COL24A1: variants seen among roughly 807,000 people sequenced by gnomAD.
COL24A1 encodes collagen alpha-1(XXIV) chain.
Under a neutral mutation model 253.9 loss-of-function variants are expected in COL24A1, and 224 were observed. The ratio of observed to expected loss-of-function variants is 0.88; its 90% CI spans 0.79 to 0.99. COL24A1 has a LOEUF of 0.99. Among genes scored for constraint, COL24A1 ranks in the 50% least tolerant of loss-of-function variants. The pLI is 0.00. For missense variants in COL24A1, 2,131 were observed against 2,068.5 expected (o/e 1.03, Z -0.59); for synonymous variants, 685 against 673.7 (o/e 1.02, Z -0.26).
chr1:86,144,007 T>C (rs1344299412), intron 2 of COL24A1, among the ~76,000 whole-genome samples: 1 of 152,176 alleles, frequency 6.6e-6, no homozygotes, highest in Non-Finnish European at 1.5e-5. Flanking sequence ...GCCAATTTAA[T>C]CAGAAAATTT....
chr1:85,828,545 TG>T (rs1674713785), intron 43 of COL24A1, among the ~76,000 whole-genome samples: 1 of 151,492 alleles, frequency 6.6e-6, no homozygotes. Context: ...CCATTATTAT[TG>T]TGTGGGAGTC....
intron 24 of COL24A1, among the ~76,000 whole-genome samples, chr1:85,929,737 C>T (rs970606168): frequency 1.4e-5 from 2 of 145,488 alleles, no homozygotes; most frequent in African/African-American, 2.6e-5. Flanking sequence ...AACTATCTCT[C>T]AGACCACAGT....
At position 85,874,647 on chromosome 1, in the gene COL24A1, A is replaced by C; in HGVS notation, c.3138+2T>G. On this transcript the variant is annotated splice_donor_variant, in intron 35 of 59. Coordinates refer to ENST00000370571, the MANE Select transcript of COL24A1 (RefSeq NM_152890.7). LOFTEE classifies it high-confidence loss of function. ...TTAAAAGAGTTTCAAGGGGGCACTC[A>C]CCCGTAAACCTGGTTCCCCAGTTCC... 1.9e-6 allele frequency: 3 copies of C among 1,612,292 alleles called. No homozygotes were observed. Among genetic ancestry groups the C allele is most frequent in the Non-Finnish European group, 2.5e-6 (3 of 1,179,758 alleles).
At chr1:85,778,023 C>A (rs199586813) in intron 52 of COL24A1, among the ~76,000 whole-genome samples, 2 of 149,130 alleles carry the variant, frequency 1.3e-5, no homozygotes, top group African/African-American at 4.9e-5. Context: ...ATGTCTCTAT[C>A]TCTATCTATC....
rs1685214277 is a variant in COL24A1 at position 85,910,012 on chromosome 1, A to C, written c.2617-9T>G. The C allele has an allele frequency of 6.2e-7, 1 of 1,607,556 alleles. No homozygotes were observed. Among genetic ancestry groups the C allele is most frequent in the Non-Finnish European group, 8.5e-7 (1 of 1,174,974 alleles). ...GGACTTCCACGTTCTCCCTTTTAAG[A>C]GAACAAAGAAAAAAGAGTAACATAG... On this transcript the variant is annotated splice_polypyrimidine_tract_variant and intron_variant, in intron 25 of 59. Coordinates refer to ENST00000370571, the MANE Select transcript of COL24A1 (RefSeq NM_152890.7).
At chr1:85,914,860 C>T (rs547722073) in intron 24 of COL24A1, among the ~76,000 whole-genome samples, 4 of 152,240 alleles carry the variant, frequency 2.6e-5, no homozygotes, top group South Asian at 4.2e-4. Flanking sequence ...TTTTTGGTTA[C>T]ATGCAGGATA....
chr1:86,063,825 AG>A, intron 7 of COL24A1, 66 bp from the exon 8 acceptor site: 1 of 1,232,656 alleles, frequency 8.1e-7, no homozygotes, highest in Non-Finnish European at 1.1e-6. Flanking sequence ...AACGAAACAT[AG>A]GTTGCAAGTT....
At chr1:86,080,392 T>G (rs1702544795) in intron 7 of COL24A1, among the ~76,000 whole-genome samples, 1 of 152,130 alleles carries the variant, frequency 6.6e-6, no homozygotes, top group African/African-American at 2.4e-5. Context: ...GAAACTATAG[T>G]AAATAATAAT....
intron 47 of COL24A1, among the ~76,000 whole-genome samples, chr1:85,808,922 G>C (rs555210923): frequency 6.6e-6 from 1 of 152,288 alleles, no homozygotes; most frequent in South Asian, 2.1e-4. Context: ...GCTAAGGAAT[G>C]AGTGCTGCTG....
chr1:85,946,371 A>G (rs1234047850), intron 24 of COL24A1, among the ~76,000 whole-genome samples: 1 of 152,078 alleles, frequency 6.6e-6, no homozygotes, highest in Non-Finnish European at 1.5e-5. Flanking sequence ...ACTGTAATGA[A>G]TCTTACTCAT....
At chr1:85,795,437 A>G (rs1670702459) in intron 47 of COL24A1, among the ~76,000 whole-genome samples, 1 of 152,212 alleles carries the variant, frequency 6.6e-6, no homozygotes, top group African/African-American at 2.4e-5. Context: ...AGCAATAAAA[A>G]ATAAAATTTG....
chr1:85,923,640 G>A (rs1271758898), intron 24 of COL24A1, among the ~76,000 whole-genome samples: 3 of 152,066 alleles, frequency 2.0e-5, no homozygotes, highest in Admixed American at 6.6e-5. Context: ...AAGACACAAC[G>A]TACCGGAATC....
chr1:85,932,427 T>C (rs983164499), intron 24 of COL24A1, among the ~76,000 whole-genome samples: 1 of 97,590 alleles, frequency 1.0e-5, no homozygotes, highest in Non-Finnish European at 2.1e-5. Context: ...CATTAAAAAG[T>C]CAGGAAACAA....
At chr1:85,739,072 T>C (rs369076663) in intron 57 of COL24A1, among the ~76,000 whole-genome samples, 2 of 152,138 alleles carry the variant, frequency 1.3e-5, no homozygotes, top group East Asian at 1.9e-4. Context: ...AGGTCAACCA[T>C]TCCTAGTCCC....
In COL24A1 at chr1:85,757,881, A is replaced by G. The variant is rs189670207; in HGVS notation, c.4437+3515T>C. Among the ~76,000 whole-genome samples, 6 of 152,282 alleles carry G rather than the reference A, an allele frequency of 3.9e-5. No individual in the cohort carries two copies. In the East Asian group the frequency reaches 1.2e-3, roughly 29 times the overall value. ...TGCAGTGAGGGGATCAAATAAGGAAAAATAACTTCTTCCAGGCACTCTAGT... is the reference window on the plus strand; with the variant it reads ...TGCAGTGAGGGGATCAAATAAGGAAGAATAACTTCTTCCAGGCACTCTAGT... On this transcript the variant is annotated intron_variant, in intron 55 of 59. Coordinates refer to ENST00000370571, the MANE Select transcript of COL24A1 (RefSeq NM_152890.7).
chr1:85,956,042 A>T (rs1215569020), intron 24 of COL24A1, among the ~76,000 whole-genome samples: 1 of 152,226 alleles, frequency 6.6e-6, no homozygotes, highest in Non-Finnish European at 1.5e-5. Context: ...GGACAAATTG[A>T]TGATTACCTG....
At position 86,105,419 on chromosome 1, in the gene COL24A1, C is replaced by T. The variant is rs935926660; in HGVS notation, c.1599+7148G>A. ...GGCCGCTCTGCTGGTCAGGCACAGT[C>T]CAACAGTGCAGGAGTTATGATGCGG... is the stretch of plus-strand genomic sequence containing the variant. On this transcript the variant is annotated intron_variant, in intron 5 of 59. Transcript: ENST00000370571. Among the ~76,000 whole-genome samples, 13 of 152,304 alleles carry T rather than the reference C, an allele frequency of 8.5e-5. 1 individual carries two copies. The highest frequency in any genetic ancestry group is 3.9e-4 in the East Asian group (2 of 5,174).
chr1:85,797,044 CAA>C (rs149029376), intron 47 of COL24A1, among the ~76,000 whole-genome samples: 1 of 138,050 alleles, frequency 7.2e-6, no homozygotes, highest in African/African-American at 2.7e-5. Flanking sequence ...ACCAAAAATA[CAA>C]AAAAAAAAAA....
At chr1:85,832,400 G>T (rs570713231) in intron 43 of COL24A1, among the ~76,000 whole-genome samples, 18 of 151,936 alleles carry the variant, frequency 1.2e-4, no homozygotes, top group Non-Finnish European at 1.5e-4. Context: ...GGTTGACTTG[G>T]CAATGTGGGC....
Sources: allele counts gnomAD v4.1 joint callset (sites outside exome capture counted in the v4.1 genomes callset), GRCh38; gene constraint gnomAD v4.1.1; transcripts MANE v1.5; gene names NCBI Gene and HGNC (gene_info 2026-07-23, HGNC 2026-07-21).